The following SNTB1 variants were observed in gnomAD, a reference collection of about 807,000 sequenced individuals.
SNTB1 encodes the protein syntrophin beta 1, also known as beta-1-syntrophin.
In SNTB1, 36 loss-of-function variants were observed where a neutral mutation model predicts 48.9. The ratio of observed to expected loss-of-function variants is 0.74; its 90% CI spans 0.56 to 0.97. The LOEUF is 0.97. SNTB1 is among the 50% of genes least tolerant of loss of function. SNTB1 has a pLI of 0.00. For synonymous variants in SNTB1, 299 were observed against 294.6 expected (o/e 1.01, Z -0.15); for missense variants, 786 against 703.4 (o/e 1.12, Z -1.33).
chr8:120,688,376 C>A, intron 2 of SNTB1, among the ~76,000 whole-genome samples: 1 of 151,964 alleles, frequency 6.6e-6, no homozygotes, highest in East Asian at 1.9e-4. Context: ...AATATTTTTT[C>A]AAAAGACATT....
chr8:120,601,759 C>A (rs1196619523), intron 3 of SNTB1, among the ~76,000 whole-genome samples: 1 of 152,184 alleles, frequency 6.6e-6, no homozygotes, highest in African/African-American at 2.4e-5. Flanking sequence ...TGCTTGGTTG[C>A]AGGTTAATGA....
intron 1 of SNTB1, chr8:120,769,643 G>A (rs902985974): frequency 6.6e-6 from 1 of 152,220 alleles, no homozygotes; most frequent in Non-Finnish European, 1.5e-5. Context: ...TACAGAGGGA[G>A]CTGCTCCAAG....
chr8:120,674,778 A>T (rs1457496767), intron 2 of SNTB1, among the ~76,000 whole-genome samples: 1 of 152,232 alleles, frequency 6.6e-6, no homozygotes, highest in Non-Finnish European at 1.5e-5. Context: ...CAGAAAGGGT[A>T]CAGAAGTGAG....
At position 120,698,375 on chromosome 8, in the gene SNTB1, G is replaced by A. The variant is rs771738546; in HGVS notation, c.572-4467C>T. 3.7e-4 allele frequency among the ~76,000 whole-genome samples: 57 copies of A among 152,068 alleles called. 1 individual carries two copies. The highest frequency in any genetic ancestry group is 1.9e-4 in the East Asian group (1 of 5,184). Reference sequence around the variant, plus strand: ...AATTAAATGAGGCTAAAAGACTATCGTCACTGTCCCTAAGGAAGATATACT... The same window carrying A: ...AATTAAATGAGGCTAAAAGACTATCATCACTGTCCCTAAGGAAGATATACT... On this transcript the variant is annotated intron_variant, in intron 1 of 6. Coordinates refer to ENST00000517992, the MANE Select transcript of SNTB1 (RefSeq NM_021021.4).
At chr8:120,575,554 C>A (rs1369375071) in intron 3 of SNTB1, among the ~76,000 whole-genome samples, 1 of 152,138 alleles carries the variant, frequency 6.6e-6, no homozygotes, top group East Asian at 1.9e-4. Context: ...GTACTTCCAG[C>A]TGATTCACTG....
At chr8:120,718,116 C>T (rs1023349546) in intron 1 of SNTB1, among the ~76,000 whole-genome samples, 5 of 152,244 alleles carry the variant, frequency 3.3e-5, no homozygotes, top group African/African-American at 1.2e-4. Flanking sequence ...TCCCCTTCTG[C>T]ACCCTGGAAT....
At chr8:120,732,352 C>A (rs1818867536) in intron 1 of SNTB1, among the ~76,000 whole-genome samples, 1 of 152,166 alleles carries the variant, frequency 6.6e-6, no homozygotes, top group African/African-American at 2.4e-5. Context: ...AGAGCTCATG[C>A]TTTAAAGTAG....
intron 2 of SNTB1, chr8:120,637,347 C>A: frequency 3.9e-6 from 1 of 254,670 alleles, no homozygotes; most frequent in South Asian, 6.6e-5. Context: ...CCTAAGAAAT[C>A]AGAAAGGAGT....
rs114942830 is a variant in SNTB1, at chr8:120,589,708, G to A, written c.997-14483C>T. Among the ~76,000 whole-genome samples the A allele has an allele frequency of 4.0e-3, 614 of 152,162 alleles. 3 individuals are homozygous for A. Among genetic ancestry groups the A allele is most frequent in the African/African-American group, 0.014 (584 of 41,512 alleles). ...GCTAGCTCTCTTGCCTCTTCTAAGA[G>A]AGGGGCATTCATGATGGGATAGTTC... is the stretch of plus-strand genomic sequence containing the variant. On this transcript the variant is annotated intron_variant, in intron 3 of 6. Transcript: ENST00000517992.
intron 2 of SNTB1, chr8:120,637,206 T>A: frequency 8.8e-6 from 3 of 339,208 alleles, no homozygotes; most frequent in Non-Finnish European, 5.8e-6. Context: ...AAGTCGAACA[T>A]CCTCTTCAGT....
chr8:120,711,513 A>T (rs901852763), intron 1 of SNTB1, among the ~76,000 whole-genome samples: 1 of 152,186 alleles, frequency 6.6e-6, no homozygotes, highest in African/African-American at 2.4e-5. Context: ...CCTCCATGCA[A>T]GACTGTTTAC....
chr8:120,703,979 C>G (rs1482024870), intron 1 of SNTB1, among the ~76,000 whole-genome samples: 1 of 152,206 alleles, frequency 6.6e-6, no homozygotes, highest in Non-Finnish European at 1.5e-5. Context: ...CACAGTCACA[C>G]AGTAGCAATT....
chr8:120,673,056 G>C (rs1237200017), intron 2 of SNTB1, among the ~76,000 whole-genome samples: 1 of 152,116 alleles, frequency 6.6e-6, no homozygotes, highest in Non-Finnish European at 1.5e-5. Flanking sequence ...TTGCAAAGTG[G>C]CTCTGCACCC....
At chr8:120,770,340 TC>T (rs1819599822) in intron 1 of SNTB1, among the ~76,000 whole-genome samples, 1 of 151,486 alleles carries the variant, frequency 6.6e-6, no homozygotes, top group Non-Finnish European at 1.5e-5. Context: ...GGCTTCACAT[TC>T]CCTACAGACG....
chr8:120,544,291 A>C (rs539972512), intron 5 of SNTB1, among the ~76,000 whole-genome samples: 124 of 152,248 alleles, frequency 8.1e-4, no homozygotes, highest in African/African-American at 2.7e-3. Context: ...ACTCTGGTTG[A>C]CCTCAAATAG....
At chr8:120,649,669 C>A (rs1455660309) in intron 2 of SNTB1, among the ~76,000 whole-genome samples, 5 of 151,338 alleles carry the variant, frequency 3.3e-5, no homozygotes, top group Non-Finnish European at 7.4e-5. Context: ...GGCAGGCAGG[C>A]CTCCTTGAGC....
At chr8:120,542,246 T>C in intron 5 of SNTB1, 1 of 422,144 alleles carries the variant, frequency 2.4e-6, no homozygotes, top group Non-Finnish European at 4.2e-6. Flanking sequence ...ATCTACTGAA[T>C]GTTATCTGGG....
In SNTB1 at chr8:120,811,658, G is replaced by C; in HGVS notation, c.186C>G (p.Thr62=). 6.3e-7 allele frequency: 1 copy of C among 1,593,516 alleles called. No individual in the cohort carries two copies. Among genetic ancestry groups the C allele is most frequent in the Non-Finnish European group, 8.5e-7 (1 of 1,173,536 alleles). Residue 62 remains threonine, a synonymous_variant, in exon 1 of 7, where the codon ACC becomes ACG. Transcript: ENST00000517992. ...CCCTGCAGAACGAGCCATTGGTGGCGGTCCCGATGCCGTTGTACGCCGCAG... is the reference window on the plus strand; with the variant it reads ...CCCTGCAGAACGAGCCATTGGTGGCCGTCCCGATGCCGTTGTACGCCGCAG... ...EGAAAYNGIG[T]ATNGSFCRGA...
At chr8:120,750,929 A>G (rs4871121) in intron 1 of SNTB1, among the ~76,000 whole-genome samples, 19,693 of 152,024 alleles carry the variant, frequency 0.13, 1,643 homozygotes, top group African/African-American at 0.23. Flanking sequence ...TGGATATATT[A>G]CAATTCAGAT....
Sources: allele counts gnomAD v4.1 joint callset (sites outside exome capture counted in the v4.1 genomes callset), GRCh38; gene constraint gnomAD v4.1.1; transcripts MANE v1.5; gene names NCBI Gene and HGNC (gene_info 2026-07-23, HGNC 2026-07-21).